The following SEPTIN7 variants were observed in gnomAD, a reference collection of about 807,000 sequenced individuals.
The protein encoded by SEPTIN7 is septin-7.
A neutral mutation model predicts 63.3 loss-of-function variants in SEPTIN7; 10 were observed. The observed-to-expected ratio is 0.16, with a 90% CI of 0.10 to 0.27. The LOEUF (loss-of-function observed/expected upper bound fraction) is 0.27. Among genes scored for constraint, SEPTIN7 ranks in the 10% least tolerant of loss-of-function variants. The pLI is 1.00. For missense variants in SEPTIN7, 310 were observed against 521.0 expected (o/e 0.59, Z 3.94); for synonymous variants, 131 against 165.3 (o/e 0.79, Z 1.59).
At chr7:35,858,587 C>T (rs939511627) in intron 3 of SEPTIN7, among the ~76,000 whole-genome samples, 6 of 152,136 alleles carry the variant, frequency 3.9e-5, no homozygotes, top group African/African-American at 1.2e-4. Flanking sequence ...ATCTCCTGAC[C>T]TCATGATCTG....
intron 11 of SEPTIN7, among the ~76,000 whole-genome samples, chr7:35,891,393 G>T (rs923034524): frequency 4.6e-5 from 7 of 152,142 alleles, no homozygotes; most frequent in African/African-American, 1.4e-4. Context: ...AAACCTAGAT[G>T]GTAGAGCCTT....
In SEPTIN7 at chr7:35,813,792, A is replaced by G. The variant is rs538463818; in HGVS notation, c.61+12522A>G. ...CTGAGAAGCTTTTACCAACCATGAC[A>G]TGATGAGTAACTTGGGATATTGATC... On this transcript the variant is annotated intron_variant, in intron 1 of 13. Coordinates refer to ENST00000350320, the MANE Select transcript of SEPTIN7 (RefSeq NM_001788.6). 6.6e-5 allele frequency among the ~76,000 whole-genome samples: 10 copies of G among 152,330 alleles called. No homozygotes were observed. The South Asian group carries it at 1.9e-3, about 28-fold the overall frequency.
chr7:35,806,052 C>G (rs1466456977), intron 1 of SEPTIN7, among the ~76,000 whole-genome samples: 5 of 152,172 alleles, frequency 3.3e-5, no homozygotes, highest in Non-Finnish European at 5.9e-5. Flanking sequence ...AGCACATGCT[C>G]TCTCTGGTTG....
intron 13 of SEPTIN7, among the ~76,000 whole-genome samples, chr7:35,904,020 A>T (rs1328488955): frequency 1.3e-5 from 2 of 152,012 alleles, no homozygotes; most frequent in African/African-American, 2.4e-5. Context: ...GTTTTGCCTT[A>T]TTTTTTTACT....
chr7:35,824,626 C>G (rs2115823959), intron 1 of SEPTIN7, among the ~76,000 whole-genome samples: 1 of 152,304 alleles, frequency 6.6e-6, no homozygotes, highest in East Asian at 1.9e-4. Context: ...CTTAATTGCT[C>G]AAGCCCAAAT....
At chr7:35,830,621 A>G (rs369654144) in intron 1 of SEPTIN7, among the ~76,000 whole-genome samples, 1 of 152,186 alleles carries the variant, frequency 6.6e-6, no homozygotes, top group Admixed American at 6.5e-5. Context: ...TTGTCATGGA[A>G]TAATTTTGTA....
Position 35,801,255 on chromosome 7 carries a change from A to G in SEPTIN7, c.46A>G (p.Asn16Asp), listed in dbSNP as rs1205029524. The G allele has an allele frequency of 1.1e-5, 17 of 1,529,422 alleles. No individual in the cohort carries two copies. Among genetic ancestry groups the G allele is most frequent in the Non-Finnish European group, 1.5e-5 (17 of 1,140,520 alleles). The allele number at this position is 1,529,422 out of a possible 1,614,324, so 94.7% of individuals were successfully genotyped here. A position where few individuals can be genotyped will look rare whatever the true frequency, so the allele number is the denominator to read the frequency against. The change falls in exon 1 of 14, where the codon AAC (asparagine) becomes GAC (aspartate). Residue 16 changes from asparagine to aspartate, a missense_variant. Physicochemically the swap from Asn to Asp is conservative, Grantham distance 23 (BLOSUM62 1). Coordinates refer to ENST00000350320, the MANE Select transcript of SEPTIN7 (RefSeq NM_001788.6). ...RSAAAEERSV[N>D]SSTMVAQQKN... ...CGCTGCTGCTGAGGAGAGGAGCGTCAACAGCAGCACCATGGGTGAGTCTCA... is the reference window on the plus strand; with the variant it reads ...CGCTGCTGCTGAGGAGAGGAGCGTCGACAGCAGCACCATGGGTGAGTCTCA...
Position 35,881,859 on chromosome 7 carries a change from TCTC to T in SEPTIN7, c.631-624_631-622del, listed in dbSNP as rs1786899409. On this transcript the variant is annotated intron_variant, in intron 7 of 13. Transcript: ENST00000350320. Reference sequence around the variant, plus strand: ...TTCTGATGTTAATAATAAGTTGTCTTCTCTAGGTTTCTGCATTCTCCTTATTAA... The same window carrying T: ...TTCTGATGTTAATAATAAGTTGTCTTTAGGTTTCTGCATTCTCCTTATTAA... Among the ~76,000 whole-genome samples the T allele has an allele frequency of 5.3e-5, 8 of 152,108 alleles. No homozygotes were observed. The South Asian group carries it at 1.7e-3, about 32-fold the overall frequency.
At chr7:35,847,588 T>TA (rs1784746046) in intron 3 of SEPTIN7, among the ~76,000 whole-genome samples, 1 of 152,254 alleles carries the variant, frequency 6.6e-6, no homozygotes, top group South Asian at 2.1e-4. Flanking sequence ...ATTTTGTACT[T>TA]GCAACTTTTT....
intron 1 of SEPTIN7, among the ~76,000 whole-genome samples, chr7:35,807,852 C>T (rs754159222): frequency 6.6e-6 from 1 of 151,206 alleles, no homozygotes; most frequent in Non-Finnish European, 1.5e-5. Flanking sequence ...TTTTTTGAGA[C>T]GGAGTCTTGC....
intron 4 of SEPTIN7, among the ~76,000 whole-genome samples, chr7:35,868,912 A>C (rs1785977036): frequency 2.6e-5 from 4 of 152,190 alleles, no homozygotes; most frequent in Admixed American, 1.3e-4. Flanking sequence ...CTCATTTTTA[A>C]GTGGAGATAT....
intron 6 of SEPTIN7, 181 bp downstream of exon 6, chr7:35,873,956 A>C (rs747470858): frequency 1.3e-5 from 7 of 521,496 alleles, no homozygotes; most frequent in Non-Finnish European, 2.3e-5. Flanking sequence ...ATAAGCTAAC[A>C]GTGATTTTAC....
intron 1 of SEPTIN7, among the ~76,000 whole-genome samples, chr7:35,805,766 G>A (rs750790548): frequency 9.1e-4 from 139 of 152,290 alleles, no homozygotes; most frequent in Non-Finnish European, 1.7e-3. Context: ...TTCAATGTTT[G>A]TTTGCTTTAT....
At chr7:35,862,371 G>A (rs1365423624) in intron 3 of SEPTIN7, among the ~76,000 whole-genome samples, 1 of 151,896 alleles carries the variant, frequency 6.6e-6, no homozygotes, top group Admixed American at 6.6e-5. Flanking sequence ...GCATACTTTT[G>A]TTTTTAATTT....
chr7:35,848,452 A>G (rs930606614), intron 3 of SEPTIN7, among the ~76,000 whole-genome samples: 2 of 151,726 alleles, frequency 1.3e-5, no homozygotes, highest in African/African-American at 2.4e-5. Context: ...GTTTTTTTTT[A>G]GTAGAGACGG....
intron 3 of SEPTIN7, chr7:35,838,676 G>C (rs1009711357): frequency 1.3e-5 from 2 of 151,772 alleles, no homozygotes; most frequent in African/African-American, 4.8e-5. Flanking sequence ...CATTATGCCC[G>C]ACCTCAGTCT....
intron 3 of SEPTIN7, among the ~76,000 whole-genome samples, chr7:35,836,835 G>A (rs948386439): frequency 1.3e-5 from 2 of 151,986 alleles, no homozygotes; most frequent in African/African-American, 4.8e-5. Context: ...GCATTTTGTG[G>A]TATTTTTAAG....
chr7:35,863,804 AT>A, intron 4 of SEPTIN7, 146 bp downstream of exon 4: 2 of 485,496 alleles, frequency 4.1e-6, no homozygotes. Context: ...ACTTCATAAA[AT>A]TTAAAAAAAA....
intron 13 of SEPTIN7, 27 bp from the exon 14 acceptor site, chr7:35,904,227 C>CT: frequency 2.6e-6 from 4 of 1,512,402 alleles, no homozygotes; most frequent in Non-Finnish European, 3.6e-6. Context: ...GGTTACTCAT[C>CT]TTGCTTATTT....
Sources: allele counts gnomAD v4.1 joint callset (sites outside exome capture counted in the v4.1 genomes callset), GRCh38; gene constraint gnomAD v4.1.1; transcripts MANE v1.5; gene names NCBI Gene and HGNC (gene_info 2026-07-23, HGNC 2026-07-21).